The following AUTS2 variants were observed in gnomAD, a reference collection of about 807,000 sequenced individuals.
AUTS2 encodes activator of transcription and developmental regulator AUTS2.
Under a neutral mutation model 112.4 loss-of-function variants are expected in AUTS2, and 17 were observed. That is an observed-to-expected ratio of 0.15 (90% CI 0.10 to 0.23). The LOEUF is 0.23. Among genes scored for constraint, AUTS2 ranks in the 10% least tolerant of loss-of-function variants. The pLI, the probability that AUTS2 is intolerant of heterozygous loss-of-function variation, is 1.00. For synonymous variants in AUTS2, 751 were observed against 702.7 expected, an observed-to-expected ratio of 1.07 and a Z score of -1.09; for missense variants, 1,510 against 1,701.6, an observed-to-expected ratio of 0.89 and a Z score of 1.98.
At chr7:70,327,407 T>G (rs10277411) in intron 4 of AUTS2, among the ~76,000 whole-genome samples, 44,631 of 152,020 alleles carry the variant, frequency 0.29, 6,867 homozygotes, top group African/African-American at 0.38. Flanking sequence ...ATGAGTTTTG[T>G]GGGAGCTGGA....
chr7:70,467,497 A>G (rs1797212507), intron 5 of AUTS2, among the ~76,000 whole-genome samples: 1 of 152,178 alleles, frequency 6.6e-6, no homozygotes, highest in Non-Finnish European at 1.5e-5. Context: ...TGGGAGAGAA[A>G]CAGATGCCAT....
intron 4 of AUTS2, among the ~76,000 whole-genome samples, chr7:70,402,521 A>T (rs1794368151): frequency 6.6e-6 from 1 of 152,226 alleles, no homozygotes; most frequent in African/African-American, 2.4e-5. Context: ...GGCATCAAGT[A>T]ATAAAGAAAC....
chr7:70,322,300 A>G (rs1433920234), intron 4 of AUTS2, among the ~76,000 whole-genome samples: 1 of 152,218 alleles, frequency 6.6e-6, no homozygotes, highest in Non-Finnish European at 1.5e-5. Flanking sequence ...GTCAACTGCT[A>G]CATTGTCCAA....
At chr7:70,679,155 C>T (rs1219395394) in intron 5 of AUTS2, among the ~76,000 whole-genome samples, 1 of 152,208 alleles carries the variant, frequency 6.6e-6, no homozygotes, top group Non-Finnish European at 1.5e-5. Context: ...GTGTTATTCT[C>T]ACCATCTATC....
Position 69,615,531 on chromosome 7 carries a change from G to A in AUTS2, c.309+15569G>A, listed in dbSNP as rs190249028. On this transcript the variant is annotated intron_variant, in intron 1 of 18. Transcript: ENST00000342771. ...TTGGCCAGGTTGGTCTCGAACTCCT[G>A]ACCTCAGGTGATCTGCCTGCCTCAG... 3.9e-3 allele frequency among the ~76,000 whole-genome samples: 598 copies of A among 152,252 alleles called. 4 individuals are homozygous for A. The highest frequency in any genetic ancestry group is 5.9e-3 in the Non-Finnish European group (402 of 68,024).
chr7:69,850,994 T>C (rs1792451398), intron 1 of AUTS2, among the ~76,000 whole-genome samples: 1 of 152,242 alleles, frequency 6.6e-6, no homozygotes, highest in South Asian at 2.1e-4. Context: ...TACATTTAAA[T>C]GTATGACCCA....
intron 1 of AUTS2, among the ~76,000 whole-genome samples, chr7:69,671,478 C>G (rs1313804654): frequency 3.2e-5 from 4 of 126,444 alleles, no homozygotes; most frequent in African/African-American, 1.2e-4. Context: ...TTGGCTGCTG[C>G]TGCTGCTGGT....
At chr7:70,041,551 T>G (rs963862414) in intron 2 of AUTS2, among the ~76,000 whole-genome samples, 1 of 152,232 alleles carries the variant, frequency 6.6e-6, no homozygotes, top group African/African-American at 2.4e-5. Context: ...ATGTTTCATC[T>G]TAGCTTATCT....
chr7:70,546,358 C>A (rs966184561), intron 5 of AUTS2, among the ~76,000 whole-genome samples: 3 of 152,068 alleles, frequency 2.0e-5, no homozygotes, highest in African/African-American at 7.2e-5. Context: ...GCAGGAGAAT[C>A]GCTTGAACCC....
intron 2 of AUTS2, among the ~76,000 whole-genome samples, chr7:70,010,663 AC>A (rs1563037108): frequency 6.6e-6 from 1 of 152,192 alleles, no homozygotes; most frequent in African/African-American, 2.4e-5. Flanking sequence ...AGTTGATACT[AC>A]AGCATTATGT....
At chr7:70,284,950 C>T (rs570001031) in intron 4 of AUTS2, among the ~76,000 whole-genome samples, 1 of 152,330 alleles carries the variant, frequency 6.6e-6, no homozygotes, top group African/African-American at 2.4e-5. Flanking sequence ...CAAAAAAGGG[C>T]CCCTTTCCTC....
At chr7:70,182,782 A>T (rs1220263548) in intron 4 of AUTS2, among the ~76,000 whole-genome samples, 1 of 151,318 alleles carries the variant, frequency 6.6e-6, no homozygotes, top group African/African-American at 2.4e-5. Flanking sequence ...CAGATTCTTC[A>T]TAAAAAAAAA....
chr7:69,901,279 T>G (rs1374430081), intron 2 of AUTS2, among the ~76,000 whole-genome samples: 3 of 151,170 alleles, frequency 2.0e-5, no homozygotes, highest in African/African-American at 7.3e-5. Context: ...ACCACCCCCC[T>G]CTCCCTCAGG....
At chr7:70,096,157 A>G (rs1804185641) in intron 2 of AUTS2, among the ~76,000 whole-genome samples, 1 of 152,158 alleles carries the variant, frequency 6.6e-6, no homozygotes. Flanking sequence ...GGTTGTAAAG[A>G]GTGAATGGAA....
At chr7:70,159,875 TTTTA>T (rs913612571) in intron 4 of AUTS2, among the ~76,000 whole-genome samples, 6 of 152,112 alleles carry the variant, frequency 3.9e-5, no homozygotes, top group African/African-American at 1.4e-4. Context: ...TATAACAAGA[TTTTA>T]TTTATTGTTT....
chr7:70,154,817 AT>A (rs1807651788), intron 4 of AUTS2, among the ~76,000 whole-genome samples: 1 of 152,132 alleles, frequency 6.6e-6, no homozygotes, highest in Admixed American at 6.5e-5. Context: ...ACTCGCTGCT[AT>A]TATCTCTTTG....
At chr7:70,710,734 C>T (rs1257193502) in intron 6 of AUTS2, among the ~76,000 whole-genome samples, 1 of 152,222 alleles carries the variant, frequency 6.6e-6, no homozygotes, top group African/African-American at 2.4e-5. Context: ...CTTGTCTGGA[C>T]TGTGCTCCTC....
intron 2 of AUTS2, among the ~76,000 whole-genome samples, chr7:70,104,056 A>C (rs1056298683): frequency 1.3e-5 from 2 of 151,882 alleles, no homozygotes; most frequent in African/African-American, 4.8e-5. Flanking sequence ...TGATGTGCCC[A>C]CTTGTCCTTT....
intron 1 of AUTS2, among the ~76,000 whole-genome samples, chr7:69,747,618 C>T (rs766895523): frequency 6.6e-6 from 1 of 152,142 alleles, no homozygotes; most frequent in Non-Finnish European, 1.5e-5. Context: ...GAAGTAGCAA[C>T]GGTAGATTTC....
Sources: allele counts gnomAD v4.1 joint callset (sites outside exome capture counted in the v4.1 genomes callset), GRCh38; gene constraint gnomAD v4.1.1; transcripts MANE v1.5; gene names NCBI Gene and HGNC (gene_info 2026-07-23, HGNC 2026-07-21).